Variants in KAZN observed in about 807,000 individuals in gnomAD.
KAZN encodes the protein kazrin.
A neutral mutation model predicts 87.4 loss-of-function variants in KAZN; 40 were observed. That is an observed-to-expected ratio of 0.46 (90% confidence interval 0.36 to 0.60). KAZN has a LOEUF of 0.60. KAZN is among the 20% of genes least tolerant of loss of function. The probability of loss-of-function intolerance (pLI) is 0.00; values close to 1 mark genes in which losing one functional copy is unlikely to be tolerated. For synonymous variants in KAZN, 466 were observed against 458.3 expected (o/e 1.02, Z -0.22); for missense variants, 898 against 1,073.9 (o/e 0.84, Z 2.29).
chr1:14,415,322 G>C (rs575921483), intron 2 of KAZN, among the ~76,000 whole-genome samples: 2 of 152,194 alleles, frequency 1.3e-5, no homozygotes, highest in Non-Finnish European at 2.9e-5. Context: ...GATTAGGGAA[G>C]AGGTTGAAGA....
At chr1:15,068,745 G>T (rs1421314207) in intron 8 of KAZN, among the ~76,000 whole-genome samples, 1 of 151,904 alleles carries the variant, frequency 6.6e-6, no homozygotes, top group Non-Finnish European at 1.5e-5. Context: ...GAGGGTACCC[G>T]GGTTACCCCA....
chr1:14,083,444 G>T (rs973311205), intron 1 of KAZN, among the ~76,000 whole-genome samples: 1 of 152,200 alleles, frequency 6.6e-6, no homozygotes. Flanking sequence ...TGAAACCTTA[G>T]TTGTCTCATG....
chr1:14,298,228 A>G (rs1186607752), intron 2 of KAZN, among the ~76,000 whole-genome samples: 1 of 152,152 alleles, frequency 6.6e-6, no homozygotes, highest in East Asian at 1.9e-4. Context: ...CGGTGTCTTA[A>G]AAAAGTAAAT....
At position 14,949,676 on chromosome 1, in the gene KAZN, C is replaced by T. The variant is rs1662251744; in HGVS notation, c.227-11008C>T. Among the ~76,000 whole-genome samples, 1 of 152,202 alleles carries T rather than the reference C, an allele frequency of 6.6e-6. No homozygotes were observed. The highest frequency in any genetic ancestry group is 1.5e-5 in the Non-Finnish European group (1 of 68,034). On this transcript the variant is annotated intron_variant, in intron 1 of 14. Transcript: ENST00000376030. The surrounding 1 kb of genome is among the most constrained non-coding windows in gnomAD (Gnocchi z 4.3). ...GGGGCTGCGTCCTGCAGTGCCAATC[C>T]TCAGGTGAAGTGGGGCTGGAGGTCT...
At chr1:14,451,060 A>G (rs940217027) in intron 2 of KAZN, among the ~76,000 whole-genome samples, 5 of 152,094 alleles carry the variant, frequency 3.3e-5, no homozygotes, top group Non-Finnish European at 5.9e-5. Flanking sequence ...ACCTTCTGCC[A>G]TGAATAAAAA....
intron 6 of KAZN, chr1:15,062,295 A>G (rs939289395): frequency 6.6e-6 from 1 of 152,602 alleles, no homozygotes; most frequent in African/African-American, 2.4e-5. Flanking sequence ...CTCTTTACCC[A>G]TAGATTTGGC....
intron 1 of KAZN, 28 bp from the exon 2 acceptor site, chr1:14,960,656 C>A: frequency 1.3e-6 from 2 of 1,552,200 alleles, no homozygotes; most frequent in South Asian, 2.4e-5. Flanking sequence ...ACGTTCCTGT[C>A]CTCTAACCCT....
At chr1:14,254,654 T>C (rs1650340516) in intron 2 of KAZN, among the ~76,000 whole-genome samples, 1 of 152,124 alleles carries the variant, frequency 6.6e-6, no homozygotes, top group Non-Finnish European at 1.5e-5. Flanking sequence ...GTAGGGGACT[T>C]GCAGGCTAGG....
chr1:14,253,935 G>A (rs981219722), intron 2 of KAZN, among the ~76,000 whole-genome samples: 1 of 122,040 alleles, frequency 8.2e-6, no homozygotes, highest in African/African-American at 3.1e-5. Flanking sequence ...CAAGCGAGAC[G>A]TGACATTCTG....
At chr1:14,690,060 C>T (rs1462736913) in intron 1 of KAZN, among the ~76,000 whole-genome samples, 4 of 152,144 alleles carry the variant, frequency 2.6e-5, no homozygotes, top group Non-Finnish European at 5.9e-5. Context: ...ATGGCCAAAG[C>T]AACCTGCTGC....
At chr1:14,620,102 C>T (rs530350735) in intron 1 of KAZN, among the ~76,000 whole-genome samples, 7 of 152,272 alleles carry the variant, frequency 4.6e-5, no homozygotes, top group African/African-American at 1.7e-4. Flanking sequence ...GTACAGTTAC[C>T]CATCTGTACA....
chr1:14,099,914 C>G (rs1324767519), intron 1 of KAZN, among the ~76,000 whole-genome samples: 1 of 152,196 alleles, frequency 6.6e-6, no homozygotes, highest in Non-Finnish European at 1.5e-5. Context: ...TGTGGTTATA[C>G]TCCCTTCTTA....
chr1:14,054,434 T>A (rs1182437769), intron 1 of KAZN, among the ~76,000 whole-genome samples: 1 of 152,122 alleles, frequency 6.6e-6, no homozygotes. Context: ...TAGACTGAAT[T>A]TGAGTAAATG....
chr1:14,672,880 C>G (rs953843144), intron 1 of KAZN, among the ~76,000 whole-genome samples: 11 of 152,196 alleles, frequency 7.2e-5, no homozygotes, highest in African/African-American at 2.4e-4. Context: ...ATAGCCTTCT[C>G]CGAGATCTGT....
At chr1:14,614,445 A>T (rs1039442652) in intron 1 of KAZN, among the ~76,000 whole-genome samples, 2 of 152,212 alleles carry the variant, frequency 1.3e-5, no homozygotes, top group African/African-American at 2.4e-5. Flanking sequence ...AGGACTTGGG[A>T]GTGAACATTA....
intron 1 of KAZN, among the ~76,000 whole-genome samples, chr1:14,704,376 G>C (rs552485641): frequency 6.6e-6 from 1 of 152,340 alleles, no homozygotes; most frequent in African/African-American, 2.4e-5. Flanking sequence ...AAATGAGCCA[G>C]GCCAATTTGG....
At chr1:14,124,223 G>A (rs1402611273) in intron 1 of KAZN, 1 of 152,152 alleles carries the variant, frequency 6.6e-6, no homozygotes, top group East Asian at 1.9e-4. Flanking sequence ...ATGACTTTCC[G>A]AAGACTGAGC....
At chr1:14,474,116 CTGA>C (rs1668597100) in intron 2 of KAZN, among the ~76,000 whole-genome samples, 1 of 152,168 alleles carries the variant, frequency 6.6e-6, no homozygotes, top group Admixed American at 6.5e-5. Flanking sequence ...AATCCCAGCA[CTGA>C]TAAGAGAACC....
Position 14,184,162 on chromosome 1 carries a change from A to G in KAZN, c.249+3570A>G, listed in dbSNP as rs1184405248. On this transcript the variant is annotated intron_variant, in intron 2 of 16. Coordinates refer to the KAZN transcript ENST00000636203. This position sits in a 1 kb window ranked among gnomAD's most constrained non-coding sequence, Gnocchi z 4.2. The stretch of plus-strand genomic sequence containing the variant: ...GACCTGAAATTTGCTTTACTCTTCA[A>G]ACTCTCCGTTTTTCCTTCTGCCCTT... Among the ~76,000 whole-genome samples the G allele has an allele frequency of 2.6e-5, 4 of 152,004 alleles. No individual in the cohort carries two copies. The highest frequency in any genetic ancestry group is 9.7e-5 in the African/African-American group (4 of 41,376).
Sources: gnomAD v4.1 joint callset for allele counts (sites outside exome capture counted in the v4.1 genomes callset) on GRCh38, gnomAD v4.1.1 for gene constraint, Gnocchi (gnomAD v3.1) non-coding constraint, MANE v1.5 for transcripts, NCBI Gene and HGNC (gene_info 2026-07-23, HGNC 2026-07-21) for gene names.